NFAT5: variants seen among roughly 807,000 people sequenced by gnomAD.
NFAT5 encodes the protein nuclear factor of activated T-cells 5.
A neutral mutation model predicts 166.5 loss-of-function variants in NFAT5; 31 were observed. The observed-to-expected ratio is 0.19, with a 90% CI of 0.14 to 0.25. The LOEUF (loss-of-function observed/expected upper bound fraction) is 0.25, where lower values mean the gene tolerates loss of function less well. NFAT5 is among the 10% of genes least tolerant of loss of function. The probability of loss-of-function intolerance (pLI) is 1.00; values close to 1 mark genes in which losing one functional copy is unlikely to be tolerated. For missense variants in NFAT5, 1,449 were observed against 1,821.8 expected, an observed-to-expected ratio of 0.80 and a Z score of 3.72; for synonymous variants, 612 against 639.7, an observed-to-expected ratio of 0.96 and a Z score of 0.65.
chr16:69,593,329 C>T (rs567917479), intron 2 of NFAT5, among the ~76,000 whole-genome samples: 2 of 151,972 alleles, frequency 1.3e-5, no homozygotes, highest in Non-Finnish European at 2.9e-5. Flanking sequence ...ACAGTTACTT[C>T]TTTTTTAAAA....
intron 11 of NFAT5, among the ~76,000 whole-genome samples, chr16:69,688,212 A>AAAACAAAC (rs2037399307): frequency 8.0e-6 from 1 of 124,778 alleles, no homozygotes; most frequent in Non-Finnish European, 1.6e-5. Flanking sequence ...CAAAAAAAAA[A>AAAACAAAC]AAAAAAAAAA....
At chr16:69,637,818 G>A (rs1261053309) in intron 3 of NFAT5, among the ~76,000 whole-genome samples, 1 of 152,166 alleles carries the variant, frequency 6.6e-6, no homozygotes, top group Non-Finnish European at 1.5e-5. Flanking sequence ...TGAAATCATA[G>A]GAAAGACCGA....
intron 2 of NFAT5, among the ~76,000 whole-genome samples, chr16:69,583,574 G>A (rs925787637): frequency 1.3e-5 from 2 of 152,142 alleles, no homozygotes; most frequent in African/African-American, 2.4e-5. Flanking sequence ...CCTAGCATAT[G>A]ATAAAATCTG....
At chr16:69,673,800 A>ATC (rs1354004814) in intron 9 of NFAT5, among the ~76,000 whole-genome samples, 2 of 152,186 alleles carry the variant, frequency 1.3e-5, no homozygotes, top group African/African-American at 4.8e-5. Context: ...TTGAAAGGGA[A>ATC]TCTCTACAAT....
At chr16:69,653,986 C>T (rs961035450) in intron 5 of NFAT5, among the ~76,000 whole-genome samples, 1 of 151,712 alleles carries the variant, frequency 6.6e-6, no homozygotes, top group Admixed American at 6.6e-5. Flanking sequence ...ATATCATTTG[C>T]ATCCACTCAA....
intron 3 of NFAT5, chr16:69,644,845 G>T (rs779233926): frequency 6.6e-5 from 30 of 454,872 alleles, no homozygotes; most frequent in Non-Finnish European, 1.1e-4. Flanking sequence ...ATGATCCTTA[G>T]ATTTAAAAAG....
At position 69,693,470 on chromosome 16, in the gene NFAT5, C is replaced by G; in HGVS notation, c.3645C>G (p.Ser1215=). The change falls in exon 13 of 15, where the codon TCC becomes TCG. Residue 1215 remains serine, a synonymous_variant. Transcript: ENST00000349945. ...CACACATCCAGACTCCTATGCTTTC[C>G]CAAGAACAGGCACAACCCCCGCAGC... ...PISHIQTPML[S]QEQAQPPQQG... 6.2e-7 allele frequency: 1 copy of G among 1,614,144 alleles called. No homozygotes were observed. Among genetic ancestry groups the G allele is most frequent in the Non-Finnish European group, 8.5e-7 (1 of 1,180,024 alleles).
chr16:69,605,523 C>T (rs2033358256), intron 2 of NFAT5, among the ~76,000 whole-genome samples: 1 of 152,152 alleles, frequency 6.6e-6, no homozygotes, highest in Admixed American at 6.5e-5. Context: ...CATGGCTTGG[C>T]GCTGGGCAAA....
At chr16:69,574,622 A>G (rs1045658019) in intron 2 of NFAT5, among the ~76,000 whole-genome samples, 1 of 152,038 alleles carries the variant, frequency 6.6e-6, no homozygotes, top group African/African-American at 2.4e-5. Context: ...GAGTTCAGTT[A>G]CTTTTATTTG....
chr16:69,692,538 C>G lies in NFAT5; in HGVS notation c.2713C>G (p.Gln905Glu). The change falls in exon 13 of 15, where the codon CAG becomes GAG. Residue 905 changes from glutamine (Q) to glutamate (E), a missense_variant. By Grantham distance (29) the Gln-to-Glu change is conservative. This residue lies in a region of NFAT5 where 891 missense variants were observed against 993.0 expected (regional missense o/e 0.90). Transcript: ENST00000349945. Reference sequence around the variant, plus strand: ...TCAACAGCAGCAGCAGCAGCAGCAACAGCAAGTGATGGAATCTTCAGCCGC... The same window carrying G: ...TCAACAGCAGCAGCAGCAGCAGCAAGAGCAAGTGATGGAATCTTCAGCCGC... Reference protein sequence around the residue: ...SNQQQQQQQQQQVMESSAAMV... With the variant: ...SNQQQQQQQQEQVMESSAAMV... 2 of 1,614,154 alleles carry G rather than the reference C, an allele frequency of 1.2e-6. No homozygotes were observed. The highest frequency in any genetic ancestry group is 1.7e-6 in the Non-Finnish European group (2 of 1,180,034).
In NFAT5 at chr16:69,591,635, C is replaced by G. The variant is rs538907559; in HGVS notation, c.127+23087C>G. Among the ~76,000 whole-genome samples the G allele has an allele frequency of 1.5e-4, 23 of 152,228 alleles. No homozygotes were observed. The South Asian group carries it at 4.8e-3, about 32-fold the overall frequency. ...TTTGAATATGAATCTCTAACTTGCT[C>G]TGAATATGTTGAGAAAAAAAGTTGA... On this transcript the variant is annotated intron_variant, in intron 2 of 14. Transcript: ENST00000349945.
intron 2 of NFAT5, among the ~76,000 whole-genome samples, chr16:69,609,429 A>G (rs2033595029): frequency 6.6e-6 from 1 of 152,206 alleles, no homozygotes; most frequent in South Asian, 2.1e-4. Context: ...AAATATACAT[A>G]TGTCTACATG....
chr16:69,658,010 G>A (rs1040767612), intron 6 of NFAT5, among the ~76,000 whole-genome samples: 30 of 150,274 alleles, frequency 2.0e-4, no homozygotes, highest in Non-Finnish European at 3.3e-4. Flanking sequence ...GCGTGAACCC[G>A]GGAGGCAGAC....
At chr16:69,628,029 C>T (rs879551318) in intron 3 of NFAT5, among the ~76,000 whole-genome samples, 2 of 152,022 alleles carry the variant, frequency 1.3e-5, no homozygotes, top group Non-Finnish European at 2.9e-5. Context: ...CTATATAGAA[C>T]TAAAAGTCTG....
At chr16:69,628,075 A>G (rs1212626776) in intron 3 of NFAT5, among the ~76,000 whole-genome samples, 1 of 152,080 alleles carries the variant, frequency 6.6e-6, no homozygotes, top group East Asian at 1.9e-4. Flanking sequence ...TTGACGGTAG[A>G]TCCAGTTCCT....
chr16:69,572,569 A>G (rs1361989812), intron 2 of NFAT5, among the ~76,000 whole-genome samples: 1 of 152,164 alleles, frequency 6.6e-6, no homozygotes, highest in Non-Finnish European at 1.5e-5. Context: ...TACATTCTAT[A>G]ATGAAAACTA....
At chr16:69,580,576 A>T (rs1474975601) in intron 2 of NFAT5, among the ~76,000 whole-genome samples, 1 of 151,876 alleles carries the variant, frequency 6.6e-6, no homozygotes, top group African/African-American at 2.4e-5. Flanking sequence ...CGCAGGGTTT[A>T]TCTTCCTAAA....
At chr16:69,664,792 C>G (rs1290369039) in intron 7 of NFAT5, among the ~76,000 whole-genome samples, 1 of 152,046 alleles carries the variant, frequency 6.6e-6, no homozygotes, top group East Asian at 1.9e-4. Context: ...CTTTGGGAGG[C>G]CAAGGTGGGC....
At chr16:69,691,640 G>A in intron 12 of NFAT5, 109 bp from the exon 13 acceptor site, 1 of 782,076 alleles carries the variant, frequency 1.3e-6, no homozygotes, top group Non-Finnish European at 2.0e-6. Flanking sequence ...AATATAGAGT[G>A]GAAAGCTGGT....
Sources: gnomAD v4.1 joint callset for allele counts (sites outside exome capture counted in the v4.1 genomes callset) on GRCh38, gnomAD v4.1.1 for gene constraint, gnomAD v4.1.1 regional missense constraint, MANE v1.5 for transcripts, NCBI Gene and HGNC (gene_info 2026-07-23, HGNC 2026-07-21) for gene names.